Variants in MARK2 observed in about 807,000 individuals in gnomAD.
MARK2 encodes the protein microtubule affinity regulating kinase 2.
MARK2 carries 16 observed loss-of-function variants against 89.8 expected under a neutral mutation model. The observed-to-expected ratio is 0.18, with a 90% confidence interval of 0.12 to 0.27. The LOEUF is 0.27. MARK2 is among the 10% of genes least tolerant of loss of function. MARK2 has a pLI of 1.00. For synonymous variants in MARK2, 382 were observed against 399.5 expected (o/e 0.96, Z 0.52); for missense variants, 621 against 1,049.9 (o/e 0.59, Z 5.65).
chr11:63,888,550 C>G, intron 1 of MARK2: 2 of 1,050,776 alleles, frequency 1.9e-6, no homozygotes, highest in Non-Finnish European at 2.3e-6. Context: ...TGTCTCCCTT[C>G]CTGCCCTATT....
At chr11:63,895,747 G>A (rs1940340999) in intron 3 of MARK2, 114 bp downstream of exon 3, 2 of 911,020 alleles carry the variant, frequency 2.2e-6, no homozygotes, top group South Asian at 2.8e-5. Flanking sequence ...TCGGCTCACT[G>A]CAACCTCCGC....
chr11:63,895,245 G>A lies in MARK2; in HGVS notation c.141G>A (p.Gln47=), dbSNP rs778681072. Reference sequence around the variant, plus strand: ...ACTCAGCCACCTCTGCTGATGAGCAGCCCCACATTGGAAACTACCGGCTCC... The same window carrying A: ...ACTCAGCCACCTCTGCTGATGAGCAACCCCACATTGGAAACTACCGGCTCC... ...GRNSATSADE[Q]PHIGNYRLLK... The change falls in exon 2 of 19, where the codon CAG becomes CAA. Residue 47 remains glutamine, a synonymous_variant. Transcript: ENST00000402010. 1 of 1,614,158 alleles carries A rather than the reference G, an allele frequency of 6.2e-7. No homozygotes were observed. Among genetic ancestry groups the A allele is most frequent in the Non-Finnish European group, 8.5e-7 (1 of 1,180,030 alleles).
rs754307287 is a variant in MARK2, at chr11:63,900,691, GC to G, written c.888+16del. ...AGGCACTTTAGAGGTGAGCAGTGGA[GC>G]CCAACTGGCGGAAGGGCCTGGGGTC... On this transcript the variant is annotated intron_variant, in intron 9 of 18. Transcript: ENST00000402010. The surrounding 1 kb of genome is among the most constrained non-coding windows in gnomAD (Gnocchi z 4.7). 2 of 1,613,968 alleles carry G rather than the reference GC, an allele frequency of 1.2e-6. No homozygotes were observed.
At chr11:63,895,670 T>A (rs769829829) in intron 3 of MARK2, 37 bp downstream of exon 3, 3 of 329,882 alleles carry the variant, frequency 9.1e-6, no homozygotes, top group Non-Finnish European at 1.3e-5. Context: ...TTTTTTTTTT[T>A]TTTTTTTTTT....
rs1317751231 is a variant in MARK2 at position 63,902,441 on chromosome 11, A to C, written c.1234+111A>C. The C allele has an allele frequency of 6.8e-7, 1 of 1,468,290 alleles. No individual in the cohort carries two copies. The highest frequency in any genetic ancestry group is 9.4e-7 in the Non-Finnish European group (1 of 1,061,450). 91.0% of individuals were successfully genotyped at this position (1,468,290 alleles called of 1,614,324 possible). Reference sequence around the variant, plus strand: ...AGTTTCAGTCCTGGTTCAGCCACTTATTAGTAGTGTGGCTATGGGCAAGCC... The same window carrying C: ...AGTTTCAGTCCTGGTTCAGCCACTTCTTAGTAGTGTGGCTATGGGCAAGCC... On this transcript the variant is annotated intron_variant, in intron 12 of 18. Transcript: ENST00000402010. The surrounding 1 kb of genome is among the most constrained non-coding windows in gnomAD (Gnocchi z 4.2).
chr11:63,908,484 G>A (rs528945007), intron 18 of MARK2, among the ~76,000 whole-genome samples, 180 bp downstream of exon 18: 2 of 152,260 alleles, frequency 1.3e-5, no homozygotes, highest in African/African-American at 2.4e-5. Flanking sequence ...CAGGAGTTAC[G>A]GGCCCTTCTC....
At position 63,903,656 on chromosome 11, in the gene MARK2, C is replaced by G. The variant is rs1363119286; in HGVS notation, c.1515-330C>G. On this transcript the variant is annotated intron_variant, in intron 14 of 18. Transcript: ENST00000402010. This position sits in a 1 kb window ranked among gnomAD's most constrained non-coding sequence, Gnocchi z 5.1. ...TATGAAAGTTTCCCCTCAGCAACAC[C>G]CCACTCTTTCTGTAGAAGAAACTCT... Among the ~76,000 whole-genome samples the G allele has an allele frequency of 6.6e-6, 1 of 152,112 alleles. No individual in the cohort carries two copies. Among genetic ancestry groups the G allele is most frequent in the Non-Finnish European group, 1.5e-5 (1 of 68,018 alleles).
Position 63,902,948 on chromosome 11 carries a change from C to T in MARK2, c.1417-113C>T. 5.5e-6 allele frequency: 6 copies of T among 1,097,798 alleles called. No homozygotes were observed. The highest frequency in any genetic ancestry group is 1.3e-5 in the South Asian group (1 of 77,212). The allele number at this position is 1,097,798 out of a possible 1,614,324, so 68.0% of individuals were successfully genotyped here. A position where few individuals can be genotyped will look rare whatever the true frequency, so the allele number is the denominator to read the frequency against. ...GCAGAATCCTTTCCTTAACCTACCACTGTCTGCTTCAGGTGGAAGGGACAG... is the reference window on the plus strand; with the variant it reads ...GCAGAATCCTTTCCTTAACCTACCATTGTCTGCTTCAGGTGGAAGGGACAG... On this transcript the variant is annotated intron_variant, in intron 13 of 18. Coordinates refer to ENST00000402010, the MANE Select transcript of MARK2 (RefSeq NM_001039469.3). This position sits in a 1 kb window ranked among gnomAD's most constrained non-coding sequence, Gnocchi z 4.2.
In MARK2 at chr11:63,874,238, A is replaced by G. The variant is rs1019089395; in HGVS notation, c.55-20921A>G. Among the ~76,000 whole-genome samples the G allele has an allele frequency of 4.6e-5, 7 of 152,222 alleles. 1 individual carries two copies. The highest frequency in any genetic ancestry group is 1.7e-4 in the African/African-American group (7 of 41,452). On this transcript the variant is annotated intron_variant, in intron 1 of 18. Transcript: ENST00000402010. ...CCCTCTGCCCTGGAACTGCACCTAA[A>G]AACAATTACTTTCCTCCTGATTCCA... is the stretch of plus-strand genomic sequence containing the variant.
intron 4 of MARK2, 121 bp from the exon 5 acceptor site, chr11:63,898,486 TG>T: frequency 1.1e-6 from 1 of 916,178 alleles, no homozygotes; most frequent in East Asian, 2.4e-5. Context: ...AACTTGTTCT[TG>T]GGAGTGGGGG....
chr11:63,902,695 A>C lies in MARK2; in HGVS notation c.1329A>C (p.Ser443=), dbSNP rs778934151. 4 of 1,614,188 alleles carry C rather than the reference A, an allele frequency of 2.5e-6. No homozygotes were observed. The highest frequency in any genetic ancestry group is 2.5e-6 in the Non-Finnish European group (3 of 1,180,016). ...AGCGGCCTGAGGAGGACCGGGAGTC[A>C]GGGCGGAAAGCCAGCAGCACAGCCA... ...ENKRPEEDRE[S]GRKASSTAKV... The change falls in exon 13 of 19, where the codon TCA becomes TCC. Residue 443 remains serine, a synonymous_variant. Transcript: ENST00000402010. The surrounding 1 kb of genome is among the most constrained non-coding windows in gnomAD (Gnocchi z 4.2).
chr11:63,850,138 G>C (rs1012793818), intron 1 of MARK2: 1 of 148,490 alleles, frequency 6.7e-6, no homozygotes, highest in Non-Finnish European at 1.5e-5. Context: ...TAACATTTCT[G>C]TTTTTTTGTT....
chr11:63,878,330 C>T (rs1190911651), intron 1 of MARK2, among the ~76,000 whole-genome samples: 1 of 151,450 alleles, frequency 6.6e-6, no homozygotes, highest in Non-Finnish European at 1.5e-5. Flanking sequence ...AGCTCTACCC[C>T]AAATGCTTTG....
intron 1 of MARK2, among the ~76,000 whole-genome samples, chr11:63,890,741 C>T (rs1436828569): frequency 6.6e-6 from 1 of 152,226 alleles, no homozygotes; most frequent in Non-Finnish European, 1.5e-5. Flanking sequence ...GATTGGCAGA[C>T]AGTAGTATTT....
At chr11:63,895,126 G>T in intron 1 of MARK2, 33 bp from the exon 2 acceptor site, 1 of 1,588,654 alleles carries the variant, frequency 6.3e-7, no homozygotes, top group Non-Finnish European at 8.6e-7. Context: ...TGGAAGTGTG[G>T]CATGTAATGG....
At chr11:63,886,478 G>A (rs866293517) in intron 1 of MARK2, among the ~76,000 whole-genome samples, 1 of 151,884 alleles carries the variant, frequency 6.6e-6, no homozygotes, top group Non-Finnish European at 1.5e-5. Flanking sequence ...AGGCTGGAGT[G>A]CAGTGGTGCA....
chr11:63,883,212 G>T (rs1939201252), intron 1 of MARK2, among the ~76,000 whole-genome samples: 1 of 152,176 alleles, frequency 6.6e-6, no homozygotes, highest in African/African-American at 2.4e-5. Flanking sequence ...GAAGAACCCT[G>T]GCAGGACCAC....
chr11:63,902,143 A>G lies in MARK2; in HGVS notation c.1102-55A>G. 6 of 1,602,676 alleles carry G rather than the reference A, an allele frequency of 3.7e-6. No homozygotes were observed. The highest frequency in any genetic ancestry group is 5.1e-6 in the Non-Finnish European group (6 of 1,171,064). On this transcript the variant is annotated intron_variant, in intron 11 of 18. Coordinates refer to ENST00000402010, the MANE Select transcript of MARK2 (RefSeq NM_001039469.3). The surrounding 1 kb of genome is among the most constrained non-coding windows in gnomAD (Gnocchi z 4.2). ...GGTATGTGTAAATGTGTCCATCCAT[A>G]GGGATCTCCACATGACTTCTGCCCT... is the stretch of plus-strand genomic sequence containing the variant.
chr11:63,878,359 C>CTTTTTTTT (rs59251368), intron 1 of MARK2, among the ~76,000 whole-genome samples: 4 of 72,712 alleles, frequency 5.5e-5, no homozygotes, highest in Non-Finnish European at 7.0e-5. Context: ...TTGTTCAAGT[C>CTTTTTTTT]TTTTTTTTTT....
Sources: allele counts gnomAD v4.1 joint callset (sites outside exome capture counted in the v4.1 genomes callset), GRCh38; gene constraint gnomAD v4.1.1; non-coding constraint Gnocchi (gnomAD v3.1); transcripts MANE v1.5; gene names NCBI Gene and HGNC (gene_info 2026-07-23, HGNC 2026-07-21).